RNF216: variants seen among roughly 807,000 people sequenced by gnomAD.
RNF216 encodes the protein ring finger protein 216.
In RNF216, 72 loss-of-function variants were observed where a neutral mutation model predicts 110.8. The observed-to-expected ratio is 0.65, with a 90% CI of 0.54 to 0.79. The LOEUF is 0.79. RNF216 is among the 30% of genes least tolerant of loss of function. The probability of loss-of-function intolerance (pLI) is 0.00; values close to 1 mark genes in which losing one functional copy is unlikely to be tolerated. For synonymous variants in RNF216, 495 were observed against 407.5 expected, an observed-to-expected ratio of 1.21 and a Z score of -2.59; for missense variants, 1,342 against 1,141.2, an observed-to-expected ratio of 1.18 and a Z score of -2.54.
At chr7:5,704,267 C>T (rs142626701) in intron 13 of RNF216, among the ~76,000 whole-genome samples, 5 of 152,224 alleles carry the variant, frequency 3.3e-5, no homozygotes, top group South Asian at 2.1e-4. Flanking sequence ...CATTTCAGAG[C>T]GACAAGTTCC....
At chr7:5,733,417 G>A (rs1446903012) in intron 5 of RNF216, among the ~76,000 whole-genome samples, 2 of 152,120 alleles carry the variant, frequency 1.3e-5, no homozygotes, top group African/African-American at 2.4e-5. Context: ...ATTTGATTAC[G>A]TTTTAGTGAT....
At chr7:5,774,137 C>G (rs550442461) in intron 1 of RNF216, among the ~76,000 whole-genome samples, 1 of 152,250 alleles carries the variant, frequency 6.6e-6, no homozygotes, top group South Asian at 2.1e-4. Context: ...CTCTGACACT[C>G]AAGTCTTTTA....
intron 7 of RNF216, among the ~76,000 whole-genome samples, chr7:5,727,096 G>A (rs1321904558): frequency 1.3e-5 from 2 of 152,142 alleles, no homozygotes; most frequent in African/African-American, 2.4e-5. Context: ...GCAGGCTGGG[G>A]TCCCAGTCTG....
At chr7:5,779,583 T>C (rs1223336342) in intron 1 of RNF216, among the ~76,000 whole-genome samples, 1 of 150,376 alleles carries the variant, frequency 6.6e-6, no homozygotes, top group Non-Finnish European at 1.5e-5. Context: ...CTAAAGCCTG[T>C]AATTCTTGTG....
intron 1 of RNF216, among the ~76,000 whole-genome samples, chr7:5,770,024 CAAAAAAAAAAAAAAAAAAA>C (rs1163710982): frequency 8.3e-5 from 2 of 24,138 alleles, no homozygotes; most frequent in Non-Finnish European, 1.3e-4. Context: ...AGACCCATCT[CAAAAAAAAAAAAAAAAAAA>C]AAAAAAAAAA....
intron 13 of RNF216, among the ~76,000 whole-genome samples, chr7:5,697,686 G>C (rs1248992738): frequency 6.6e-6 from 1 of 152,190 alleles, no homozygotes; most frequent in Non-Finnish European, 1.5e-5. Context: ...ACAGAAGGTG[G>C]GGAAGGGAAG....
At chr7:5,646,538 A>C (rs796609850) in intron 14 of RNF216, among the ~76,000 whole-genome samples, 1 of 151,652 alleles carries the variant, frequency 6.6e-6, no homozygotes, top group African/African-American at 2.4e-5. Context: ...CTAAAAATAC[A>C]AAAAATTAGC....
intron 13 of RNF216, among the ~76,000 whole-genome samples, chr7:5,656,575 C>A (rs1788760157): frequency 6.6e-6 from 1 of 152,150 alleles, no homozygotes; most frequent in Non-Finnish European, 1.5e-5. Context: ...GGGGAAGGAG[C>A]ATGCATGCTG....
intron 13 of RNF216, among the ~76,000 whole-genome samples, chr7:5,684,489 G>A (rs527253030): frequency 6.6e-6 from 1 of 152,232 alleles, no homozygotes; most frequent in East Asian, 1.9e-4. Flanking sequence ...GTCAGCCCTG[G>A]CCTATTCCAG....
At chr7:5,634,004 A>C (rs1008248551) in intron 15 of RNF216, among the ~76,000 whole-genome samples, 1 of 152,254 alleles carries the variant, frequency 6.6e-6, no homozygotes, top group Non-Finnish European at 1.5e-5. Context: ...AAAGGGGAAA[A>C]GATTCAATTT....
intron 13 of RNF216, among the ~76,000 whole-genome samples, chr7:5,679,856 C>T (rs1344738366): frequency 2.0e-5 from 3 of 152,160 alleles, no homozygotes; most frequent in Admixed American, 6.5e-5. Context: ...GGTCCCTCAC[C>T]CGCCTTTCTG....
Position 5,716,740 on chromosome 7 carries a change from C to T in RNF216, c.1671G>A (p.Gln557=), listed in dbSNP as rs376643917. Residue 557 remains glutamine (Q), a synonymous_variant, in exon 10 of 17, where the codon CAG becomes CAA. Transcript: ENST00000389902. ...CCTTTTGATACTGTTCTTCATTCAT[C>T]TGTAGGGCAAGCAAAAAGTCTTCAT... ...AEHEDFLLAL[Q]MNEEQYQKDG... is the part of the protein sequence containing the mutation. 3.1e-6 allele frequency: 5 copies of T among 1,606,846 alleles called. No individual in the cohort carries two copies. Among genetic ancestry groups the T allele is most frequent in the Admixed American group, 3.4e-5 (2 of 59,376 alleles).
At chr7:5,726,456 C>A (rs572020751) in intron 7 of RNF216, among the ~76,000 whole-genome samples, 32 of 152,196 alleles carry the variant, frequency 2.1e-4, no homozygotes, top group African/African-American at 7.2e-4. Context: ...ATATCCACCC[C>A]ACCCTGTAAC....
chr7:5,760,083 T>A lies in RNF216; in HGVS notation c.67+920A>T, dbSNP rs1409907899. Among the ~76,000 whole-genome samples, 6 of 150,842 alleles carry A rather than the reference T, an allele frequency of 4.0e-5. No individual in the cohort carries two copies. The East Asian group carries it at 9.6e-4, about 24-fold the overall frequency. ...AAAATGAACGTAAGGATTCTACACC[T>A]CAGCATGATTTTTTTCCTTTTAGCC... is the stretch of plus-strand genomic sequence containing the variant. On this transcript the variant is annotated intron_variant, in intron 2 of 16. Coordinates refer to ENST00000389902, the MANE Select transcript of RNF216 (RefSeq NM_207111.4).
chr7:5,762,802 T>C (rs1796002448), intron 1 of RNF216, among the ~76,000 whole-genome samples: 1 of 152,204 alleles, frequency 6.6e-6, no homozygotes, highest in African/African-American at 2.4e-5. Context: ...GAAAAGGAAC[T>C]TGAACTTGAG....
intron 14 of RNF216, among the ~76,000 whole-genome samples, chr7:5,642,696 C>A (rs1787812068): frequency 6.6e-6 from 1 of 152,072 alleles, no homozygotes; most frequent in Admixed American, 6.6e-5. Context: ...CCAGGCTGGT[C>A]TCAAACTCCT....
At chr7:5,678,003 G>T (rs190878305) in intron 13 of RNF216, among the ~76,000 whole-genome samples, 2 of 151,986 alleles carry the variant, frequency 1.3e-5, no homozygotes, top group Admixed American at 6.6e-5. Context: ...CAGATTTTGC[G>T]ACTGTTCTTG....
At chr7:5,768,346 T>TACACACACACACACAC (rs71004702) in intron 1 of RNF216, among the ~76,000 whole-genome samples, 2,068 of 71,900 alleles carry the variant, frequency 0.029, 210 homozygotes, top group Non-Finnish European at 0.032. Context: ...GGCAGGCAAA[T>TACACACACACACACAC]ACACACACAC....
At chr7:5,709,149 A>G (rs1433743146) in intron 13 of RNF216, among the ~76,000 whole-genome samples, 1 of 152,084 alleles carries the variant, frequency 6.6e-6, no homozygotes, top group Non-Finnish European at 1.5e-5. Flanking sequence ...AGTACGTGCT[A>G]GTTTCACCAT....
Sources: gnomAD v4.1 joint callset for allele counts (sites outside exome capture counted in the v4.1 genomes callset) on GRCh38, gnomAD v4.1.1 for gene constraint, MANE v1.5 for transcripts, NCBI Gene and HGNC (gene_info 2026-07-23, HGNC 2026-07-21) for gene names.